FNDC3A: variants seen among roughly 807,000 people sequenced by gnomAD.
FNDC3A encodes fibronectin type III domain containing 3A.
Under a neutral mutation model 148.9 loss-of-function variants are expected in FNDC3A, and 32 were observed. The observed-to-expected ratio is 0.21, with a 90% CI of 0.16 to 0.29. The LOEUF (loss-of-function observed/expected upper bound fraction) is 0.29, where lower values mean the gene tolerates loss of function less well. Among genes scored for constraint, FNDC3A ranks in the 10% least tolerant of loss-of-function variants. FNDC3A has a pLI of 1.00. For missense variants in FNDC3A, 1,191 were observed against 1,452.8 expected, an observed-to-expected ratio of 0.82 and a Z score of 2.93; for synonymous variants, 472 against 473.6, an observed-to-expected ratio of 1.00 and a Z score of 0.04.
chr13:49,145,091 A>G (rs1052981546), intron 7 of FNDC3A, among the ~76,000 whole-genome samples: 4 of 152,280 alleles, frequency 2.6e-5, no homozygotes, highest in African/African-American at 7.2e-5. Context: ...ACATATGTTA[A>G]GTTTATAGGA....
chr13:48,995,646 A>G (rs1183871652), intron 1 of FNDC3A, among the ~76,000 whole-genome samples: 1 of 152,202 alleles, frequency 6.6e-6, no homozygotes, highest in Admixed American at 6.5e-5. Flanking sequence ...TAACATATGG[A>G]CATTTAAGGT....
At chr13:49,046,135 G>GA (rs2137699449) in intron 2 of FNDC3A, 1 of 157,438 alleles carries the variant, frequency 6.4e-6, no homozygotes, top group South Asian at 1.9e-4. Flanking sequence ...TTCTTTCTTA[G>GA]AACTTCATGT....
intron 1 of FNDC3A, among the ~76,000 whole-genome samples, chr13:48,998,477 G>T (rs1023776454): frequency 5.9e-5 from 9 of 152,142 alleles, no homozygotes; most frequent in African/African-American, 2.2e-4. Context: ...TATGTAAGAT[G>T]TATGTAAAAC....
intron 1 of FNDC3A, among the ~76,000 whole-genome samples, chr13:48,995,782 T>G (rs189995529): frequency 1.7e-3 from 261 of 152,334 alleles, no homozygotes; most frequent in African/African-American, 6.1e-3. Context: ...ATCCTGTTCT[T>G]ATTGTTAAAT....
intron 4 of FNDC3A, among the ~76,000 whole-genome samples, chr13:49,126,261 G>T (rs563727069): frequency 2.6e-4 from 39 of 148,098 alleles, no homozygotes; most frequent in Admixed American, 6.8e-4. Flanking sequence ...AGGTTTGGGG[G>T]TTTTTTTTGT....
chr13:49,137,316 A>T (rs2137943214), intron 6 of FNDC3A, among the ~76,000 whole-genome samples: 1 of 151,026 alleles, frequency 6.6e-6, no homozygotes, highest in African/African-American at 2.4e-5. Flanking sequence ...TCTGACTTCT[A>T]CTCTATGAAC....
chr13:49,145,738 C>G, intron 7 of FNDC3A, 40 bp from the exon 8 acceptor site: 1 of 1,548,370 alleles, frequency 6.5e-7, no homozygotes, highest in Non-Finnish European at 8.9e-7. Context: ...GTATACATTA[C>G]AGTTGTTTTA....
intron 3 of FNDC3A, among the ~76,000 whole-genome samples, chr13:49,083,447 G>A (rs1878607053): frequency 6.6e-6 from 1 of 152,124 alleles, no homozygotes; most frequent in African/African-American, 2.4e-5. Context: ...AAATAGAAAT[G>A]CAAGTTCAAA....
chr13:49,132,433 C>T (rs946966943), intron 5 of FNDC3A, among the ~76,000 whole-genome samples: 2 of 152,198 alleles, frequency 1.3e-5, no homozygotes, highest in African/African-American at 4.8e-5. Context: ...GATAAGTCTT[C>T]ATTGTAGAGG....
chr13:49,169,687 G>A (rs1884657420), intron 10 of FNDC3A, among the ~76,000 whole-genome samples: 1 of 152,196 alleles, frequency 6.6e-6, no homozygotes, highest in Non-Finnish European at 1.5e-5. Flanking sequence ...ATCTGTCCTT[G>A]CTTTGAGAGC....
intron 11 of FNDC3A, among the ~76,000 whole-genome samples, chr13:49,174,219 T>C (rs1285616215): frequency 6.6e-6 from 1 of 152,176 alleles, no homozygotes; most frequent in Non-Finnish European, 1.5e-5. Context: ...TGGTACTTAA[T>C]TCAAGAAGCT....
intron 2 of FNDC3A, among the ~76,000 whole-genome samples, chr13:49,050,918 C>G (rs1306616457): frequency 2.0e-5 from 3 of 152,102 alleles, no homozygotes; most frequent in Non-Finnish European, 2.9e-5. Flanking sequence ...CTTTTTTTAA[C>G]TGCTGTTGCT....
chr13:49,031,825 T>C (rs1566203144), intron 2 of FNDC3A, among the ~76,000 whole-genome samples: 2 of 152,128 alleles, frequency 1.3e-5, no homozygotes, highest in South Asian at 2.1e-4. Context: ...AGTTTTGTGT[T>C]ACTATCAGGA....
intron 2 of FNDC3A, among the ~76,000 whole-genome samples, chr13:49,062,361 T>C (rs1237314709): frequency 6.6e-6 from 1 of 152,218 alleles, no homozygotes; most frequent in Non-Finnish European, 1.5e-5. Flanking sequence ...ATATGACCCT[T>C]TCCTGTTTAA....
intron 2 of FNDC3A, among the ~76,000 whole-genome samples, chr13:49,018,497 A>G (rs935850873): frequency 8.5e-5 from 13 of 152,264 alleles, no homozygotes; most frequent in Non-Finnish European, 1.5e-4. Context: ...CTAGTTATAC[A>G]TTATTCTAAA....
At chr13:49,141,638 T>C (rs1190472483) in intron 7 of FNDC3A, among the ~76,000 whole-genome samples, 2 of 152,214 alleles carry the variant, frequency 1.3e-5, no homozygotes, top group Non-Finnish European at 2.9e-5. Context: ...ATGTAATATA[T>C]ATGGCTTTGA....
chr13:49,110,205 C>CTT (rs3834947), intron 3 of FNDC3A: 422 of 514,272 alleles, frequency 8.2e-4, no homozygotes, highest in Non-Finnish European at 4.1e-4. Flanking sequence ...GGAACGTTTG[C>CTT]TTTTTTTTCC....
At chr13:49,161,640 C>A (rs146040529) in intron 8 of FNDC3A, among the ~76,000 whole-genome samples, 5 of 152,256 alleles carry the variant, frequency 3.3e-5, no homozygotes, top group African/African-American at 1.2e-4. Context: ...GAATTTGATC[C>A]TGTCATTATG....
Position 49,158,901 on chromosome 13 carries a change from G to C in FNDC3A, c.978-8343G>C, listed in dbSNP as rs528677673. On this transcript the variant is annotated intron_variant, in intron 8 of 25. Coordinates refer to ENST00000492622, the MANE Select transcript of FNDC3A (RefSeq NM_001079673.2). ...AATCCTTTCCCCGTTTCTTGTTTTT[G>C]TCAGGTTTGTCAAAGATCAGATGTT... 1.2e-4 allele frequency among the ~76,000 whole-genome samples: 18 copies of C among 152,142 alleles called. No individual in the cohort carries two copies. In the East Asian group the frequency reaches 3.5e-3, roughly 29 times the overall value.
Sources: allele counts gnomAD v4.1 joint callset (sites outside exome capture counted in the v4.1 genomes callset), GRCh38; gene constraint gnomAD v4.1.1; transcripts MANE v1.5; gene names NCBI Gene and HGNC (gene_info 2026-07-23, HGNC 2026-07-21).